Variants in KCTD8 observed in about 807,000 individuals in gnomAD.
The protein encoded by KCTD8 is potassium channel tetramerization domain containing 8.
A neutral mutation model predicts 31.5 loss-of-function variants in KCTD8; 27 were observed. The ratio of observed to expected loss-of-function variants is 0.86; its 90% CI spans 0.63 to 1.18. KCTD8 has a LOEUF of 1.18. Ranked by LOEUF, KCTD8 falls within the 50% of genes most tolerant of loss-of-function variation. The pLI, the probability that KCTD8 is intolerant of heterozygous loss-of-function variation, is 0.00. For synonymous variants in KCTD8, 290 were observed against 280.0 expected, an observed-to-expected ratio of 1.04 and a Z score of -0.36; for missense variants, 658 against 647.7, an observed-to-expected ratio of 1.02 and a Z score of -0.17.
rs201235168 is a variant in KCTD8, at chr4:44,365,962, T to C, written c.961+81601A>G. Among the ~76,000 whole-genome samples, 13 of 149,684 alleles carry C rather than the reference T, an allele frequency of 8.7e-5. No individual in the cohort carries two copies. In the East Asian group the frequency reaches 2.5e-3, roughly 28 times the overall value. Reference sequence around the variant, plus strand: ...CAACATGGAGCTGCTATACATCACTTTGACAAAAGAAAAAAAACCTTGATT... The same window carrying C: ...CAACATGGAGCTGCTATACATCACTCTGACAAAAGAAAAAAAACCTTGATT... On this transcript the variant is annotated intron_variant, in intron 1 of 1. Transcript: ENST00000360029.
At chr4:44,253,805 TA>T (rs1715911952) in intron 1 of KCTD8, among the ~76,000 whole-genome samples, 1 of 151,832 alleles carries the variant, frequency 6.6e-6, no homozygotes, top group African/African-American at 2.4e-5. Context: ...TAATATTTTT[TA>T]TTTTGTCAGT....
intron 1 of KCTD8, among the ~76,000 whole-genome samples, chr4:44,288,711 C>A (rs1274102003): frequency 6.6e-6 from 1 of 151,932 alleles, no homozygotes; most frequent in East Asian, 1.9e-4. Context: ...CTCAGATATA[C>A]AAAAGTAAAA....
intron 1 of KCTD8, among the ~76,000 whole-genome samples, chr4:44,285,868 A>C (rs1320887170): frequency 6.6e-6 from 1 of 152,164 alleles, no homozygotes; most frequent in Non-Finnish European, 1.5e-5. Context: ...AAAACTTGGA[A>C]GAGATTCTAC....
intron 1 of KCTD8, among the ~76,000 whole-genome samples, chr4:44,188,848 G>C (rs1161801223): frequency 6.6e-6 from 1 of 152,134 alleles, no homozygotes; most frequent in East Asian, 1.9e-4. Flanking sequence ...TCTCGAGATA[G>C]TGTAGCCCTG....
At chr4:44,413,267 T>G (rs566373394) in intron 1 of KCTD8, among the ~76,000 whole-genome samples, 1 of 152,206 alleles carries the variant, frequency 6.6e-6, no homozygotes, top group Non-Finnish European at 1.5e-5. Context: ...ACAGAATTTG[T>G]TAAAATTTAA....
chr4:44,218,124 CTTTTTTTTT>C (rs570521203), intron 1 of KCTD8, among the ~76,000 whole-genome samples: 1 of 91,512 alleles, frequency 1.1e-5, no homozygotes, highest in Non-Finnish European at 2.0e-5. Context: ...TTAAAATGTC[CTTTTTTTTT>C]TTTTTTTTTT....
At chr4:44,359,998 C>G (rs1719454617) in intron 1 of KCTD8, among the ~76,000 whole-genome samples, 1 of 151,970 alleles carries the variant, frequency 6.6e-6, no homozygotes, top group African/African-American at 2.4e-5. Flanking sequence ...GATACACATA[C>G]ATAGTAACAA....
At chr4:44,394,643 A>C (rs1720451286) in intron 1 of KCTD8, among the ~76,000 whole-genome samples, 1 of 152,038 alleles carries the variant, frequency 6.6e-6, no homozygotes. Flanking sequence ...CAAATCGGAT[A>C]ATTTGACCCA....
At chr4:44,284,066 A>G (rs562239059) in intron 1 of KCTD8, among the ~76,000 whole-genome samples, 3 of 152,204 alleles carry the variant, frequency 2.0e-5, no homozygotes, top group Non-Finnish European at 4.4e-5. Flanking sequence ...AGTAATTTAT[A>G]GATTCAATGC....
chr4:44,204,519 T>C (rs1167846939), intron 1 of KCTD8, among the ~76,000 whole-genome samples: 1 of 152,186 alleles, frequency 6.6e-6, no homozygotes, highest in East Asian at 1.9e-4. Context: ...GCTTCCTCAA[T>C]CCATCACGAC....
chr4:44,401,172 T>C (rs1393550848), intron 1 of KCTD8, among the ~76,000 whole-genome samples: 1 of 151,736 alleles, frequency 6.6e-6, no homozygotes, highest in Admixed American at 6.6e-5. Context: ...AAATCTTGAG[T>C]TTCTTAAGAT....
rs915527459 is a variant in KCTD8 at position 44,177,777 on chromosome 4, C to T, written c.962-2527G>A. On this transcript the variant is annotated intron_variant, in intron 1 of 1. Transcript: ENST00000360029. ...GTCTCAGGTATGTCTTTATCAGCAG[C>T]GTGAAAATGGACTAATACAGGTTTT... 1.5e-4 allele frequency among the ~76,000 whole-genome samples: 23 copies of T among 152,230 alleles called. No homozygotes were observed. The East Asian group carries it at 1.5e-3, about 10-fold the overall frequency.
chr4:44,225,928 C>G (rs1257336577), intron 1 of KCTD8, among the ~76,000 whole-genome samples: 1 of 148,116 alleles, frequency 6.8e-6, no homozygotes, highest in Non-Finnish European at 1.5e-5. Flanking sequence ...TCACGCCATT[C>G]TCCTGCCTCA....
chr4:44,329,687 T>G (rs1381927118), intron 1 of KCTD8, among the ~76,000 whole-genome samples: 1 of 151,826 alleles, frequency 6.6e-6, no homozygotes, highest in Non-Finnish European at 1.5e-5. Context: ...TTGTAGTATA[T>G]CATATATAAG....
chr4:44,407,737 G>A (rs1720836892), intron 1 of KCTD8, among the ~76,000 whole-genome samples: 1 of 151,948 alleles, frequency 6.6e-6, no homozygotes, highest in Admixed American at 6.6e-5. Context: ...CATCACCCTG[G>A]TTCAAGTCCT....
chr4:44,389,633 A>C (rs1019322614), intron 1 of KCTD8, among the ~76,000 whole-genome samples: 8 of 151,810 alleles, frequency 5.3e-5, no homozygotes, highest in African/African-American at 1.9e-4. Flanking sequence ...ATGGAGTTTA[A>C]GTTTTGCAAG....
chr4:44,281,460 C>T (rs1166233087), intron 1 of KCTD8, among the ~76,000 whole-genome samples: 1 of 151,978 alleles, frequency 6.6e-6, no homozygotes, highest in Non-Finnish European at 1.5e-5. Flanking sequence ...TACTTGCTTC[C>T]AACAAATTCT....
intron 1 of KCTD8, among the ~76,000 whole-genome samples, chr4:44,205,034 G>GA (rs1714260759): frequency 2.0e-5 from 3 of 152,058 alleles, no homozygotes; most frequent in Non-Finnish European, 2.9e-5. Flanking sequence ...TGGAGAGATT[G>GA]AAAAAATAGA....
chr4:44,247,284 C>T (rs142062151), intron 1 of KCTD8, among the ~76,000 whole-genome samples: 91 of 152,048 alleles, frequency 6.0e-4, no homozygotes, highest in South Asian at 2.1e-3. Flanking sequence ...ATCTTAGAAC[C>T]ATTTTTGGTG....
Sources: gnomAD v4.1 joint callset for allele counts (sites outside exome capture counted in the v4.1 genomes callset) on GRCh38, gnomAD v4.1.1 for gene constraint, MANE v1.5 for transcripts, NCBI Gene and HGNC (gene_info 2026-07-23, HGNC 2026-07-21) for gene names.